ZNF114: variants seen among roughly 807,000 people sequenced by gnomAD.
ZNF114 encodes the protein zinc finger protein 114.
ZNF114 carries 8 observed loss-of-function variants against 6.8 expected under a neutral mutation model. That is an observed-to-expected ratio of 1.18 (90% CI 0.69 to 2.13). The LOEUF is 2.13. Ranked by LOEUF, ZNF114 falls within the 30% of genes most tolerant of loss-of-function variation. The pLI, the probability that ZNF114 is intolerant of heterozygous loss-of-function variation, is 0.00. For missense variants in ZNF114, 472 were observed against 519.5 expected (o/e 0.91, Z 0.89); for synonymous variants, 169 against 185.5 (o/e 0.91, Z 0.72).
chr19:48,277,794 G>GGTGGGGGTGTGTGTGT (rs1555876488), intron 3 of ZNF114, among the ~76,000 whole-genome samples: 8 of 119,338 alleles, frequency 6.7e-5, no homozygotes, highest in African/African-American at 2.6e-4. Flanking sequence ...GGAGGCATTG[G>GGTGGGGGTGTGTGTGT]GTGTGTGTGT....
At position 48,280,621 on chromosome 19, in the gene ZNF114, C is replaced by T. The variant is rs1017044023; in HGVS notation, c.9+813C>T. On this transcript the variant is annotated intron_variant, in intron 4 of 5. Coordinates refer to ENST00000595607, the MANE Select transcript of ZNF114 (RefSeq NM_153608.4). ...AGGCTGGAGTGCAATGGCATGATCT[C>T]GGCTCACTGCAACCTCCGCCTTCCA... Among the ~76,000 whole-genome samples, 5 of 147,540 alleles carry T rather than the reference C, an allele frequency of 3.4e-5. No individual in the cohort carries two copies. In the East Asian group the frequency reaches 6.0e-4, roughly 18 times the overall value.
chr19:48,276,988 T>A (rs370631612), intron 3 of ZNF114, among the ~76,000 whole-genome samples: 19 of 151,664 alleles, frequency 1.3e-4, no homozygotes, highest in African/African-American at 4.6e-4. Flanking sequence ...TGAAACCCCG[T>A]CTCTACTAAA....
At chr19:48,283,513 G>T (rs17360180) in intron 5 of ZNF114, among the ~76,000 whole-genome samples, 17,007 of 152,106 alleles carry the variant, frequency 0.11, 1,211 homozygotes, top group Non-Finnish European at 0.16. Context: ...GTGCAGGGCA[G>T]TTTTGTCCAG....
chr19:48,286,270 A>G lies in ZNF114; in HGVS notation c.646A>G (p.Thr216Ala). Residue 216 changes from threonine to alanine, a missense_variant, in exon 6 of 6, where the codon ACG (threonine) becomes GCG (alanine). Thr to Ala is a moderately conservative substitution (Grantham distance 58). Transcript: ENST00000595607. ...GCATCATATACGTGATGAAATTGAT[A>G]CGGGGGCCAACAGGCACCAGCGGAA... ...TVHHIRDEID[T>A]GANRHQRNPF... 6.2e-7 allele frequency: 1 copy of G among 1,614,208 alleles called. No individual in the cohort carries two copies. The highest frequency in any genetic ancestry group is 8.5e-7 in the Non-Finnish European group (1 of 1,180,038).
intron 3 of ZNF114, among the ~76,000 whole-genome samples, chr19:48,275,939 A>G (rs1967817278): frequency 1.4e-5 from 2 of 147,612 alleles, no homozygotes; most frequent in South Asian, 4.4e-4. Context: ...CTGAGATCGC[A>G]CCACTGCACT....
Position 48,274,504 on chromosome 19 carries a change from A to AT in ZNF114, c.-70+2677dup, listed in dbSNP as rs1268273248. On this transcript the variant is annotated intron_variant, in intron 3 of 5. Transcript: ENST00000595607. ...CTTTTATATATATATATATATATAT[A>AT]TATTTTTTTTTTTTTTTTTGAGACA... Among the ~76,000 whole-genome samples, 12 of 11,836 alleles carry AT rather than the reference A, an allele frequency of 1.0e-3. No individual in the cohort carries two copies. The East Asian group carries it at 0.028, about 28-fold the overall frequency. The allele number at this position is 11,836 out of a possible 152,430, so 7.8% of individuals were successfully genotyped here. A position where few individuals can be genotyped will look rare whatever the true frequency, so the allele number is the denominator to read the frequency against.
intron 3 of ZNF114, among the ~76,000 whole-genome samples, chr19:48,275,030 A>G (rs1445690862): frequency 6.6e-6 from 1 of 151,174 alleles, no homozygotes; most frequent in Non-Finnish European, 1.5e-5. Flanking sequence ...TGATCCCAGC[A>G]CTTTGGGAGG....
chr19:48,277,794 G>GGGGGGTGTGT (rs1330052475), intron 3 of ZNF114, among the ~76,000 whole-genome samples: 14 of 119,336 alleles, frequency 1.2e-4, no homozygotes, highest in Non-Finnish European at 3.4e-5. Context: ...GGAGGCATTG[G>GGGGGGTGTGT]GTGTGTGTGT....
At chr19:48,284,341 G>A (rs1358249060) in intron 5 of ZNF114, among the ~76,000 whole-genome samples, 2 of 151,998 alleles carry the variant, frequency 1.3e-5, no homozygotes. Context: ...GCAGGAGGAG[G>A]ATTACTTGAG....
At chr19:48,285,095 A>G (rs1012495176) in intron 5 of ZNF114, among the ~76,000 whole-genome samples, 1 of 152,248 alleles carries the variant, frequency 6.6e-6, no homozygotes, top group African/African-American at 2.4e-5. Flanking sequence ...CCTTACCGTC[A>G]TCACATTCCT....
At chr19:48,282,284 A>AACCT in intron 4 of ZNF114, 87 bp from the exon 5 acceptor site, 1 of 1,573,804 alleles carries the variant, frequency 6.4e-7, no homozygotes, top group Admixed American at 1.8e-5. Flanking sequence ...TTAAGACCTC[A>AACCT]ACCTACCTTT....
chr19:48,276,665 A>G (rs1006316606), intron 3 of ZNF114, among the ~76,000 whole-genome samples: 4 of 152,176 alleles, frequency 2.6e-5, no homozygotes, highest in Non-Finnish European at 5.9e-5. Flanking sequence ...CTGAGACTAG[A>G]GGCGCACGCC....
At chr19:48,277,794 G>GGTGGGT (rs1555876488) in intron 3 of ZNF114, among the ~76,000 whole-genome samples, 2 of 119,338 alleles carry the variant, frequency 1.7e-5, no homozygotes, top group East Asian at 2.5e-4. Flanking sequence ...GGAGGCATTG[G>GGTGGGT]GTGTGTGTGT....
intron 4 of ZNF114, among the ~76,000 whole-genome samples, chr19:48,280,490 C>T (rs760770379): frequency 2.6e-5 from 4 of 151,872 alleles, no homozygotes; most frequent in Non-Finnish European, 4.4e-5. Flanking sequence ...CAGCATCTCC[C>T]GCAACTGTCA....
intron 3 of ZNF114, among the ~76,000 whole-genome samples, chr19:48,274,596 T>C (rs1322451642): frequency 6.6e-6 from 1 of 151,586 alleles, no homozygotes; most frequent in African/African-American, 2.4e-5. Context: ...AACCTCTGCC[T>C]TCCAGGTTCA....
At chr19:48,283,109 G>A (rs987066466) in intron 5 of ZNF114, among the ~76,000 whole-genome samples, 1 of 152,096 alleles carries the variant, frequency 6.6e-6, no homozygotes, top group Non-Finnish European at 1.5e-5. Context: ...TCCGCCTCCT[G>A]GGCTCAAGCA....
intron 4 of ZNF114, 170 bp from the exon 5 acceptor site, chr19:48,282,201 A>G (rs1375590374): frequency 3.3e-6 from 3 of 906,490 alleles, no homozygotes; most frequent in African/African-American, 3.5e-5. Context: ...CCCGGCCACA[A>G]CCTCATCTTA....
Position 48,285,928 on chromosome 19 carries a change from G to T in ZNF114, c.304G>T (p.Gly102Trp), listed in dbSNP as rs557307183. 6.2e-7 allele frequency: 1 copy of T among 1,614,126 alleles called. No individual in the cohort carries two copies. Among genetic ancestry groups the T allele is most frequent in the Non-Finnish European group, 8.5e-7 (1 of 1,180,030 alleles). Residue 102 changes from glycine to tryptophan, a missense_variant, in exon 6 of 6, where the codon GGG becomes TGG. Physicochemically the swap from Gly to Trp is radical, Grantham distance 184 (BLOSUM62 -2). Coordinates refer to ENST00000595607, the MANE Select transcript of ZNF114 (RefSeq NM_153608.4). Reference sequence around the variant, plus strand: ...CAAAACAGAGGAACCACACAGGCAGGGGGTGAATAATGTGAAGCCACCTGC... The same window carrying T: ...CAAAACAGAGGAACCACACAGGCAGTGGGTGAATAATGTGAAGCCACCTGC... ...CPKTEEPHRQ[G>W]VNNVKPPAVA...
chr19:48,285,711 C>T, intron 5 of ZNF114, 50 bp from the exon 6 acceptor site: 1 of 1,547,290 alleles, frequency 6.5e-7, no homozygotes, highest in Non-Finnish European at 8.7e-7. Context: ...CATCTCTAAC[C>T]CACCTTTACT....
Sources: gnomAD v4.1 joint callset for allele counts (sites outside exome capture counted in the v4.1 genomes callset) on GRCh38, gnomAD v4.1.1 for gene constraint, MANE v1.5 for transcripts, NCBI Gene and HGNC (gene_info 2026-07-23, HGNC 2026-07-21) for gene names.